WDR35: variants seen among roughly 807,000 people sequenced by gnomAD.
The protein encoded by WDR35 is WD repeat domain 35.
In WDR35, 118 loss-of-function variants were observed where a neutral mutation model predicts 158.3. The observed-to-expected ratio is 0.75, with a 90% CI of 0.64 to 0.87. The LOEUF (loss-of-function observed/expected upper bound fraction) is 0.87. Ranked by LOEUF, WDR35 falls within the 40% of genes least tolerant of loss-of-function variation. WDR35 has a pLI of 0.00. For missense variants in WDR35, 1,263 were observed against 1,405.8 expected (o/e 0.90, Z 1.62); for synonymous variants, 448 against 476.1 (o/e 0.94, Z 0.77).
Position 19,941,829 on chromosome 2 carries a change from T to A in WDR35, c.1856A>T (p.Gln619Leu), listed in dbSNP as rs946126347. 2 of 1,572,854 alleles carry A rather than the reference T, an allele frequency of 1.3e-6. No individual in the cohort carries two copies. The highest frequency in any genetic ancestry group is 1.7e-6 in the Non-Finnish European group (2 of 1,151,758). ...FRNLDPEEPI[Q>L]TSGYICNFED... The stretch of plus-strand genomic sequence containing the variant: ...AAAATTACAAATATATCCAGAGGTC[T>A]GAATGGGTTCCTTTAAAGACAAAAA... The change falls in exon 17 of 27, where the codon CAG (glutamine) becomes CTG (leucine). Residue 619 changes from glutamine (Q) to leucine (L), a missense_variant. By Grantham distance (113) the Gln-to-Leu change is moderately radical (BLOSUM62 -2). Transcript: ENST00000281405.
intron 12 of WDR35, among the ~76,000 whole-genome samples, chr2:19,953,439 A>G (rs148777251): frequency 3.0e-3 from 459 of 152,302 alleles, no homozygotes; most frequent in Non-Finnish European, 5.5e-3. Context: ...TCCTCTGGTC[A>G]CTGATATTGG....
chr2:19,955,722 G>A (rs1671406466), intron 11 of WDR35, among the ~76,000 whole-genome samples: 1 of 152,116 alleles, frequency 6.6e-6, no homozygotes, highest in South Asian at 2.1e-4. Flanking sequence ...AACGTTACTA[G>A]GAGGTACCAT....
intron 4 of WDR35, among the ~76,000 whole-genome samples, chr2:19,979,566 A>T (rs1672319083): frequency 6.6e-6 from 1 of 152,142 alleles, no homozygotes; most frequent in Non-Finnish European, 1.5e-5. Flanking sequence ...AAAATAGGCT[A>T]TTTTGTTTTT....
chr2:19,934,266 C>T lies in WDR35; in HGVS notation c.2548-755G>A, dbSNP rs1411773139. On this transcript the variant is annotated intron_variant, in intron 21 of 26. Coordinates refer to ENST00000281405, the MANE Select transcript of WDR35 (RefSeq NM_020779.4). The surrounding 1 kb of genome is among the most constrained non-coding windows in gnomAD (Gnocchi z 4.6). ...TTTTCTGATTATAAGGGAATACATT[C>T]TATCTGTAAAAAAAATTACAAAACA... Among the ~76,000 whole-genome samples the T allele has an allele frequency of 1.3e-5, 2 of 152,090 alleles. No homozygotes were observed. Among genetic ancestry groups the T allele is most frequent in the Non-Finnish European group, 2.9e-5 (2 of 68,018 alleles).
chr2:19,989,912 T>C, intron 1 of WDR35, 80 bp downstream of exon 1: 1 of 1,594,470 alleles, frequency 6.3e-7, no homozygotes, highest in Non-Finnish European at 8.5e-7. Context: ...TGAAGGAGCC[T>C]GGCTTCTCGG....
chr2:19,945,718 G>A lies in WDR35; in HGVS notation c.1845+68C>T, dbSNP rs1229098299. ...AACAAACTTCTTAAAGAAACAAAGG[G>A]GAATCATCCAGGTTTTTATATTTGG... On this transcript the variant is annotated intron_variant, in intron 16 of 26. Transcript: ENST00000281405. 25 of 1,560,532 alleles carry A rather than the reference G, an allele frequency of 1.6e-5. No homozygotes were observed. The Admixed American group carries it at 3.9e-4, about 24-fold the overall frequency.
intron 10 of WDR35, among the ~76,000 whole-genome samples, chr2:19,962,693 T>A (rs915012976): frequency 6.6e-6 from 1 of 152,098 alleles, no homozygotes; most frequent in East Asian, 1.9e-4. Flanking sequence ...AGGTACCCCA[T>A]AGATAACATA....
intron 21 of WDR35, 33 bp from the exon 22 acceptor site, chr2:19,933,544 CA>C (rs1272017914): frequency 7.1e-6 from 11 of 1,558,544 alleles, no homozygotes; most frequent in Middle Eastern, 3.3e-4. Context: ...TCAGATTTCA[CA>C]GACCAAGGAA....
chr2:19,966,949 G>T, intron 9 of WDR35, 40 bp from the exon 10 acceptor site: 1 of 1,592,042 alleles, frequency 6.3e-7, no homozygotes. Context: ...GAGATTGAAA[G>T]GGAGAAGAAT....
rs934562133 is a variant in WDR35, at chr2:19,979,801, ACACAC to A, written c.307+885_307+889del. On this transcript the variant is annotated intron_variant, in intron 4 of 26. Coordinates refer to ENST00000281405, the MANE Select transcript of WDR35 (RefSeq NM_020779.4). ...CACACACACACACACACACACACAC[ACACAC>A]TTTTTAAAAAATTAAAGTATTATAG... Among the ~76,000 whole-genome samples, 9 of 149,894 alleles carry A rather than the reference ACACAC, an allele frequency of 6.0e-5. No homozygotes were observed. In the East Asian group the frequency reaches 1.2e-3, roughly 20 times the overall value.
rs765134754 is a variant in WDR35, at chr2:19,932,416, T to C, written c.2690A>G (p.His897Arg). The change falls in exon 23 of 27, where the codon CAT becomes CGT. Residue 897 changes from histidine to arginine, a missense_variant. By Grantham distance (29) the His-to-Arg change is conservative. Transcript: ENST00000281405. Reference sequence around the variant, plus strand: ...CAGAGATCCAATTTCTTTCATACTATGATTTTTAGCCAATTCAACAGCTTT... The same window carrying C: ...CAGAGATCCAATTTCTTTCATACTACGATTTTTAGCCAATTCAACAGCTTT... The part of the protein sequence containing the change: ...WNKAVELAKN[H>R]SMKEIGSLLA... 4 of 1,613,330 alleles carry C rather than the reference T, an allele frequency of 2.5e-6. No homozygotes were observed. The highest frequency in any genetic ancestry group is 4.5e-5 in the East Asian group (2 of 44,706).
At position 19,914,271 on chromosome 2, in the gene WDR35, T is replaced by A. The variant is rs1468280226; in HGVS notation, c.3128A>T (p.His1043Leu). Residue 1043 changes from histidine (H) to leucine (L), a missense_variant, in exon 26 of 27, where the codon CAC (histidine) becomes CTC (leucine). Transcript: ENST00000281405. ...GATGATGTCTTCATAGTCTTTCAGG[T>A]GAAGAGCTAAGAAAAACAGGGCAAT... is the stretch of plus-strand genomic sequence containing the variant. Reference protein sequence around the residue: ...CVDTALKTALHLKDYEDIIPP... With the variant: ...CVDTALKTALLLKDYEDIIPP... The A allele has an allele frequency of 6.2e-7, 1 of 1,614,106 alleles. No individual in the cohort carries two copies. Among genetic ancestry groups the A allele is most frequent in the Non-Finnish European group, 8.5e-7 (1 of 1,179,984 alleles).
intron 26 of WDR35, 22 bp downstream of exon 26, chr2:19,914,015 C>T (rs185747834): frequency 1.1e-5 from 18 of 1,613,380 alleles, no homozygotes; most frequent in Non-Finnish European, 3.4e-6. Context: ...AGAATGGCAT[C>T]CACTAATTAA....
rs1371781746 is a variant in WDR35, at chr2:19,910,933, A to G, written c.*2625T>C. The G allele has an allele frequency of 1.3e-5, 2 of 152,228 alleles. No homozygotes were observed. Among genetic ancestry groups the G allele is most frequent in the Non-Finnish European group, 2.9e-5 (2 of 68,042 alleles). The allele number at this position is 152,228 out of a possible 1,614,324, so 9.4% of individuals were successfully genotyped here. ...AAAAAAGATGTGCCTGTCTATATAC[A>G]TATGCGCGCACACACACACGCACAC... is the stretch of plus-strand genomic sequence containing the variant. On this transcript the variant is annotated 3_prime_UTR_variant, in exon 27 of 27. Coordinates refer to ENST00000281405, the MANE Select transcript of WDR35 (RefSeq NM_020779.4).
chr2:19,933,535 C>A (rs1309059760), intron 21 of WDR35, 24 bp from the exon 22 acceptor site: 1 of 1,571,280 alleles, frequency 6.4e-7, no homozygotes, highest in Non-Finnish European at 8.8e-7. Context: ...ACAATACTAT[C>A]AGATTTCACA....
intron 2 of WDR35, among the ~76,000 whole-genome samples, chr2:19,984,639 T>A (rs1035004753): frequency 1.3e-5 from 2 of 152,118 alleles, no homozygotes; most frequent in Non-Finnish European, 2.9e-5. Context: ...TTTAAAAAAT[T>A]AAGGTGTAAT....
chr2:19,937,183 T>A (rs1428127606), intron 19 of WDR35, among the ~76,000 whole-genome samples: 1 of 152,196 alleles, frequency 6.6e-6, no homozygotes, highest in Non-Finnish European at 1.5e-5. Flanking sequence ...CGCCTTGTGG[T>A]TCAGTGGCTA....
chr2:19,975,792 C>T, intron 5 of WDR35, 129 bp from the exon 6 acceptor site: 2 of 1,249,360 alleles, frequency 1.6e-6, no homozygotes, highest in Non-Finnish European at 2.3e-6. Context: ...TTTATTTGGC[C>T]AATAAATATT....
At chr2:19,928,242 A>G (rs1337789613) in intron 25 of WDR35, among the ~76,000 whole-genome samples, 1 of 152,272 alleles carries the variant, frequency 6.6e-6, no homozygotes, top group Non-Finnish European at 1.5e-5. Context: ...CTCCTGCTGC[A>G]GATAACTAGC....
Sources: allele counts gnomAD v4.1 joint callset (sites outside exome capture counted in the v4.1 genomes callset), GRCh38; gene constraint gnomAD v4.1.1; non-coding constraint Gnocchi (gnomAD v3.1); transcripts MANE v1.5; gene names NCBI Gene and HGNC (gene_info 2026-07-23, HGNC 2026-07-21).